Variants in CEP250 observed in about 807,000 individuals in gnomAD.
CEP250 encodes centrosomal protein 250, also known as centrosome-associated protein CEP250.
Under a neutral mutation model 315.7 loss-of-function variants are expected in CEP250, and 242 were observed. The observed-to-expected ratio is 0.77, with a 90% CI of 0.69 to 0.85. The LOEUF is 0.85. Ranked by LOEUF, CEP250 falls within the 40% of genes least tolerant of loss-of-function variation. The pLI is 0.00. For synonymous variants in CEP250, 1,088 were observed against 1,175.0 expected, an observed-to-expected ratio of 0.93 and a Z score of 1.51; for missense variants, 2,515 against 2,886.4, an observed-to-expected ratio of 0.87 and a Z score of 2.95.
In CEP250 at chr20:35,504,743, T is replaced by A; in HGVS notation, c.6374T>A (p.Leu2125Ter). Residue 2125 changes from leucine (L) to a stop codon, truncating the protein, a stop_gained, in exon 30 of 35, where the codon TTA becomes TAA. Coordinates refer to ENST00000397527, the MANE Select transcript of CEP250 (RefSeq NM_007186.6). LOFTEE classifies it high-confidence loss of function. The stretch of plus-strand genomic sequence containing the variant: ...CAGCAAAGGAACAACCTGGAAGCCT[T>A]ACCCCACAGCCACAAAACCTCCCCA... ...ETQQRNNLEA[L>*]PHSHKTSPME... 2.5e-6 allele frequency: 4 copies of A among 1,614,144 alleles called. No homozygotes were observed. The highest frequency in any genetic ancestry group is 3.4e-6 in the Non-Finnish European group (4 of 1,180,030).
Position 35,507,847 on chromosome 20 carries a change from G to C in CEP250, c.6746G>C (p.Gly2249Ala), listed in dbSNP as rs1333341929. The C allele has an allele frequency of 6.2e-7, 1 of 1,606,654 alleles. No individual in the cohort carries two copies. Among genetic ancestry groups the C allele is most frequent in the Non-Finnish European group, 8.5e-7 (1 of 1,176,496 alleles). ...AGAGGGGAGCAGGGTGTGCAGCTGG[G>C]AGAGGTGAGCTGGGGGCTCTGGGGG... ...GSRGEQGVQL[G>A]EVSGVEAEPS... The change falls in exon 31 of 35, where the codon GGA (glycine) becomes GCA (alanine). Residue 2249 changes from glycine to alanine, a missense_variant. Gly to Ala is a moderately conservative substitution (Grantham distance 60). Coordinates refer to ENST00000397527, the MANE Select transcript of CEP250 (RefSeq NM_007186.6).
intron 3 of CEP250, among the ~76,000 whole-genome samples, chr20:35,461,913 T>G (rs2062765298): frequency 1.3e-5 from 2 of 152,258 alleles, no homozygotes; most frequent in Non-Finnish European, 2.9e-5. Flanking sequence ...CATATTATCT[T>G]ATTATTTCAC....
In CEP250 at chr20:35,502,575, C is replaced by T. The variant is rs777477763; in HGVS notation, c.4206C>T (p.Ala1402=). 15 of 1,614,200 alleles carry T rather than the reference C, an allele frequency of 9.3e-6. No homozygotes were observed. Among genetic ancestry groups the T allele is most frequent in the Non-Finnish European group, 1.3e-5 (15 of 1,180,042 alleles). ...NEEVESERER[A]QALQEQGELK... ...AAGTAGAGAGTGAGCGTGAGAGAGCCCAGGCTCTGCAAGAGCAGGGCGAAC... is the reference window on the plus strand; with the variant it reads ...AAGTAGAGAGTGAGCGTGAGAGAGCTCAGGCTCTGCAAGAGCAGGGCGAAC... Residue 1402 remains alanine (A), a synonymous_variant, in exon 30 of 35, where the codon GCC becomes GCT. Coordinates refer to ENST00000397527, the MANE Select transcript of CEP250 (RefSeq NM_007186.6).
intron 10 of CEP250, among the ~76,000 whole-genome samples, chr20:35,471,281 A>G (rs957711901): frequency 1.3e-5 from 2 of 152,196 alleles, no homozygotes; most frequent in African/African-American, 4.8e-5. Flanking sequence ...ATGAGGAGCA[A>G]TAGGGATTGT....
intron 20 of CEP250, 145 bp downstream of exon 20, chr20:35,480,290 T>C: frequency 1.3e-6 from 1 of 799,970 alleles, no homozygotes; most frequent in South Asian, 1.8e-5. Context: ...TGAGTTAATA[T>C]ATGAAAAGCA....
At chr20:35,475,794 C>G (rs1361430040) in intron 15 of CEP250, 148 bp downstream of exon 15, 2 of 818,872 alleles carry the variant, frequency 2.4e-6, no homozygotes, top group Non-Finnish European at 1.9e-6. Flanking sequence ...CCAACATACC[C>G]TCTATATTGG....
At chr20:35,467,179 G>GGGGGGGGGGGGGGGGGGGGCCCCCC in intron 8 of CEP250, 107 bp downstream of exon 8, 3 of 534,564 alleles carry the variant, frequency 5.6e-6, no homozygotes, top group East Asian at 4.6e-5. Context: ...GGTGGGTGGG[G>GGGGGGGGGGGGGGGGGGGGCCCCCC]GAGTTGGTAG....
chr20:35,517,494 T>G lies in CEP250; in HGVS notation c.*5868T>G, dbSNP rs1319428578. The G allele has an allele frequency of 1.3e-5, 2 of 152,094 alleles. No homozygotes were observed. The highest frequency in any genetic ancestry group is 2.4e-5 in the African/African-American group (1 of 41,398). The allele number at this position is 152,094 out of a possible 1,614,324, so 9.4% of individuals were successfully genotyped here. On this transcript the variant is annotated 3_prime_UTR_variant, in exon 35 of 35. Coordinates refer to ENST00000397527, the MANE Select transcript of CEP250 (RefSeq NM_007186.6). Reference sequence around the variant, plus strand: ...CTTGAGGATAGAATCTATAGGAAAATGTAAGAGGGTTAAAAATAAATTTCC... The same window carrying G: ...CTTGAGGATAGAATCTATAGGAAAAGGTAAGAGGGTTAAAAATAAATTTCC...
At chr20:35,485,645 CTTTTTTTT>C (rs782622070) in intron 20 of CEP250, among the ~76,000 whole-genome samples, 1 of 33,788 alleles carries the variant, frequency 3.0e-5, no homozygotes, top group African/African-American at 1.2e-4. Context: ...GTCTGCCTGG[CTTTTTTTT>C]TTTTTTTTTT....
Position 35,475,625 on chromosome 20 carries a change from A to T in CEP250, c.1695A>T (p.Glu565Asp). 1.2e-6 allele frequency: 2 copies of T among 1,613,896 alleles called. No individual in the cohort carries two copies. Among genetic ancestry groups the T allele is most frequent in the Non-Finnish European group, 1.7e-6 (2 of 1,180,022 alleles). The change falls in exon 15 of 35, where the codon GAA (glutamate) becomes GAT (aspartate). Residue 565 changes from glutamate to aspartate, a missense_variant. Physicochemically the swap from Glu to Asp is conservative, Grantham distance 45. Transcript: ENST00000397527. Reference sequence around the variant, plus strand: ...AGTTACTGAGGCAAGAGCAAACGGAAGTGACCGCAGCGCTGGCTAGGGTGC... The same window carrying T: ...AGTTACTGAGGCAAGAGCAAACGGATGTGACCGCAGCGCTGGCTAGGGTGC... ...EGELLRQEQT[E>D]VTAALARAEQ...
intron 22 of CEP250, among the ~76,000 whole-genome samples, chr20:35,493,006 G>A: frequency 6.6e-6 from 1 of 152,132 alleles, no homozygotes; most frequent in East Asian, 1.9e-4. Context: ...GGGATGATAG[G>A]CGTGAGCCAC....
Position 35,472,940 on chromosome 20 carries a change from C to A in CEP250, c.1209+109C>A, listed in dbSNP as rs886760180. 2.1e-5 allele frequency: 23 copies of A among 1,082,224 alleles called. No individual in the cohort carries two copies. In the African/African-American group the frequency reaches 3.3e-4, roughly 16 times the overall value. 67.0% of individuals were successfully genotyped at this position (1,082,224 alleles called of 1,614,324 possible). A position where few individuals can be genotyped will look rare whatever the true frequency, so the allele number is the denominator to read the frequency against. ...TATCCCTTTCACTTTTTTGACCAGTCATGAGGTGTTCTGTCAATATCCCAG... is the reference window on the plus strand; with the variant it reads ...TATCCCTTTCACTTTTTTGACCAGTAATGAGGTGTTCTGTCAATATCCCAG... On this transcript the variant is annotated intron_variant, in intron 12 of 34. Coordinates refer to ENST00000397527, the MANE Select transcript of CEP250 (RefSeq NM_007186.6).
In CEP250 at chr20:35,465,908, A is replaced by T. The variant is rs544278075; in HGVS notation, c.326+83A>T. 13 of 1,518,096 alleles carry T rather than the reference A, an allele frequency of 8.6e-6. No individual in the cohort carries two copies. The East Asian group carries it at 3.0e-4, about 34-fold the overall frequency. The allele number at this position is 1,518,096 out of a possible 1,614,324, so 94.0% of individuals were successfully genotyped here. On this transcript the variant is annotated intron_variant, in intron 6 of 34. Transcript: ENST00000397527. ...TGGGAAACTTCTGCCCTGAGGGCTA[A>T]TGTGGACTTCAGCCATAGCCCTCTA... is the stretch of plus-strand genomic sequence containing the variant.
intron 20 of CEP250, among the ~76,000 whole-genome samples, chr20:35,482,048 A>AATAGATAGATAG (rs35585772): frequency 8.1e-4 from 118 of 146,218 alleles, no homozygotes; most frequent in East Asian, 1.4e-3. Flanking sequence ...AGGCTTAAAA[A>AATAGATAGATAG]ATAGATAGAT....
intron 34 of CEP250, among the ~76,000 whole-genome samples, chr20:35,510,621 C>T (rs1225947209): frequency 6.6e-6 from 1 of 152,226 alleles, no homozygotes; most frequent in Non-Finnish European, 1.5e-5. Context: ...TCAGTAGTCA[C>T]TACTGGCAGG....
At chr20:35,508,916 C>A (rs557513823) in intron 32 of CEP250, 27 bp from the exon 33 acceptor site, 1 of 1,540,008 alleles carries the variant, frequency 6.5e-7, no homozygotes, top group East Asian at 2.4e-5. Context: ...CAAGCCGAGC[C>A]CTGATTTCTT....
intron 9 of CEP250, among the ~76,000 whole-genome samples, chr20:35,468,366 C>T (rs2062942463): frequency 6.6e-6 from 1 of 152,140 alleles, no homozygotes; most frequent in Non-Finnish European, 1.5e-5. Context: ...TTTAGTTTCC[C>T]CTACCTTCTT....
chr20:35,494,652 A>G lies in CEP250; in HGVS notation c.3162A>G (p.Lys1054=). The change falls in exon 24 of 35, where the codon AAA becomes AAG. Residue 1054 remains lysine, a synonymous_variant. Transcript: ENST00000397527. ...TTCAGAAGGAGCTGGAGAGAGAGAA[A>G]GCCAGGTAGGCTAGATAGGCCATGG... ...NRIQKELERE[K]ASLTLSLMEK... The G allele has an allele frequency of 6.2e-7, 1 of 1,614,052 alleles. No homozygotes were observed.
chr20:35,503,967 A>C lies in CEP250; in HGVS notation c.5598A>C (p.Glu1866Asp). Reference protein sequence around the residue: ...ERHGELQDHKEQARRLEEELA... With the variant: ...ERHGELQDHKDQARRLEEELA... ...ATGGAGAGCTTCAGGACCACAAGGA[A>C]CAGGCACGAAGGCTGGAGGAAGAGC... The change falls in exon 30 of 35, where the codon GAA becomes GAC. Residue 1866 changes from glutamate (E) to aspartate (D), a missense_variant. Physicochemically the swap from Glu to Asp is conservative, Grantham distance 45. Coordinates refer to ENST00000397527, the MANE Select transcript of CEP250 (RefSeq NM_007186.6). The surrounding 1 kb of genome is among the most constrained non-coding windows in gnomAD (Gnocchi z 4.2). The C allele has an allele frequency of 6.2e-7, 1 of 1,612,224 alleles. No individual in the cohort carries two copies. Among genetic ancestry groups the C allele is most frequent in the Non-Finnish European group, 8.5e-7 (1 of 1,178,840 alleles).
Sources: gnomAD v4.1 joint callset for allele counts (sites outside exome capture counted in the v4.1 genomes callset) on GRCh38, gnomAD v4.1.1 for gene constraint, Gnocchi (gnomAD v3.1) non-coding constraint, MANE v1.5 for transcripts, NCBI Gene and HGNC (gene_info 2026-07-23, HGNC 2026-07-21) for gene names.